The following COL8A1 variants were observed in gnomAD, a reference collection of about 807,000 sequenced individuals.
COL8A1 encodes the protein collagen alpha-1(VIII) chain.
COL8A1 carries 21 observed loss-of-function variants against 42.7 expected under a neutral mutation model. The observed-to-expected ratio is 0.49, with a 90% CI of 0.35 to 0.71. COL8A1 has a LOEUF of 0.71. COL8A1 is among the 30% of genes least tolerant of loss of function. The pLI, the probability that COL8A1 is intolerant of heterozygous loss-of-function variation, is 0.01. For synonymous variants in COL8A1, 367 were observed against 369.1 expected (o/e 0.99, Z 0.06); for missense variants, 788 against 962.4 (o/e 0.82, Z 2.40).
chr3:99,794,831 T>C lies in COL8A1; in HGVS notation c.930T>C (p.Pro310=). Residue 310 remains proline, a synonymous_variant, in exon 4 of 4, where the codon CCT becomes CCC. Coordinates refer to ENST00000652472, the MANE Select transcript of COL8A1 (RefSeq NM_020351.4). This position sits in a 1 kb window ranked among gnomAD's most constrained non-coding sequence, Gnocchi z 4.3. ...PIGVPGVQGP[P]GIPGIGKPGQ... ...GGGTACCGGGGGTTCAAGGACCTCC[T>C]GGGATACCCGGAATTGGAAAGCCAG... The C allele has an allele frequency of 6.2e-7, 1 of 1,611,932 alleles. No homozygotes were observed. Among genetic ancestry groups the C allele is most frequent in the Non-Finnish European group, 8.5e-7 (1 of 1,179,016 alleles).
rs536778498 is a variant in COL8A1, at chr3:99,685,266, T to C, written c.-129+46602T>C. 2.0e-5 allele frequency among the ~76,000 whole-genome samples: 3 copies of C among 152,306 alleles called. No homozygotes were observed. In the South Asian group the frequency reaches 6.2e-4, roughly 32 times the overall value. ...CAATGAGAAGGAATAAGAATTTACA[T>C]GCTTTTGGTATGCCCCAAATCTTAA... On this transcript the variant is annotated intron_variant, in intron 1 of 3. Transcript: ENST00000652472.
chr3:99,739,647 C>T (rs1456944675), intron 1 of COL8A1, among the ~76,000 whole-genome samples: 2 of 152,202 alleles, frequency 1.3e-5, no homozygotes, highest in Non-Finnish European at 1.5e-5. Context: ...TACCTTGGCC[C>T]CTTTCAGCCA....
chr3:99,778,578 C>T (rs1224960091), intron 2 of COL8A1, among the ~76,000 whole-genome samples: 5 of 151,764 alleles, frequency 3.3e-5, no homozygotes, highest in Admixed American at 1.3e-4. Flanking sequence ...ATTTTACCAT[C>T]GGTCAACCCT....
intron 1 of COL8A1, among the ~76,000 whole-genome samples, chr3:99,736,932 TA>T (rs1456401987): frequency 6.6e-6 from 1 of 152,230 alleles, no homozygotes; most frequent in East Asian, 1.9e-4. Context: ...TGGGTGCATA[TA>T]TATTTAGGAT....
chr3:99,751,368 G>T (rs1054789058), intron 2 of COL8A1, among the ~76,000 whole-genome samples: 7 of 152,122 alleles, frequency 4.6e-5, no homozygotes, highest in Admixed American at 4.6e-4. Context: ...GACCAGCCTG[G>T]CCAACATGGC....
At chr3:99,782,951 T>C (rs1468652461) in intron 2 of COL8A1, among the ~76,000 whole-genome samples, 1 of 152,134 alleles carries the variant, frequency 6.6e-6, no homozygotes, top group Non-Finnish European at 1.5e-5. Context: ...TTAGGGGTTT[T>C]CCCAAGTGTT....
At chr3:99,750,412 G>T (rs1427574547) in intron 2 of COL8A1, among the ~76,000 whole-genome samples, 1 of 151,936 alleles carries the variant, frequency 6.6e-6, no homozygotes, top group Non-Finnish European at 1.5e-5. Flanking sequence ...AATATTAATA[G>T]CCAACTCTGG....
At chr3:99,716,364 G>C (rs1256908567) in intron 1 of COL8A1, among the ~76,000 whole-genome samples, 2 of 151,960 alleles carry the variant, frequency 1.3e-5, no homozygotes, top group African/African-American at 4.8e-5. Context: ...AAACATCGAG[G>C]CAGTTGCACT....
intron 1 of COL8A1, among the ~76,000 whole-genome samples, chr3:99,713,331 G>A (rs1016843939): frequency 3.3e-5 from 5 of 152,000 alleles, no homozygotes; most frequent in Admixed American, 1.3e-4. Context: ...CATGCCCCAC[G>A]TGCAGTCTCT....
intron 2 of COL8A1, among the ~76,000 whole-genome samples, chr3:99,752,622 T>C (rs1941174850): frequency 6.6e-6 from 1 of 152,004 alleles, no homozygotes; most frequent in South Asian, 2.1e-4. Flanking sequence ...CCCATGGTTC[T>C]CTGCATATAT....
chr3:99,763,891 G>A (rs1941410610), intron 2 of COL8A1, among the ~76,000 whole-genome samples: 2 of 150,666 alleles, frequency 1.3e-5, no homozygotes, highest in African/African-American at 4.9e-5. Context: ...GAGATTTCTT[G>A]CTTTCACCTG....
chr3:99,771,685 T>C (rs1391217040), intron 2 of COL8A1, among the ~76,000 whole-genome samples: 1 of 152,210 alleles, frequency 6.6e-6, no homozygotes, highest in East Asian at 1.9e-4. Flanking sequence ...GCATCTCTTC[T>C]GTGTTTTGCT....
chr3:99,684,189 AAGGGCTCTCTTCTCAAAT>A (rs1467707081), intron 1 of COL8A1, among the ~76,000 whole-genome samples: 1 of 152,172 alleles, frequency 6.6e-6, no homozygotes, highest in Non-Finnish European at 1.5e-5. Flanking sequence ...AATTTACAAG[AAGGGCTCTCTTCTCAAAT>A]TTAGTCACTG....
chr3:99,688,670 T>C (rs1939133111), intron 1 of COL8A1, among the ~76,000 whole-genome samples: 2 of 152,208 alleles, frequency 1.3e-5, no homozygotes, highest in Non-Finnish European at 2.9e-5. Flanking sequence ...CACGGCTAGT[T>C]TACTGTATTA....
intron 2 of COL8A1, among the ~76,000 whole-genome samples, chr3:99,775,956 C>T (rs921695531): frequency 6.6e-6 from 1 of 152,150 alleles, no homozygotes; most frequent in Non-Finnish European, 1.5e-5. Context: ...TTCATTTATT[C>T]CTTATTTTGT....
intron 1 of COL8A1, among the ~76,000 whole-genome samples, chr3:99,645,112 T>G (rs1256102839): frequency 6.6e-6 from 1 of 152,232 alleles, no homozygotes; most frequent in Admixed American, 6.5e-5. Context: ...ATTTAGGATC[T>G]TCTTCCAACT....
At chr3:99,736,822 G>A (rs200399585) in intron 1 of COL8A1, among the ~76,000 whole-genome samples, 8,397 of 151,754 alleles carry the variant, frequency 0.055, 304 homozygotes, top group Middle Eastern at 0.079. Context: ...GTCTAATGTT[G>A]ACAGTGGGGT....
intron 1 of COL8A1, among the ~76,000 whole-genome samples, chr3:99,709,403 C>T (rs1011954386): frequency 2.0e-5 from 3 of 152,148 alleles, no homozygotes; most frequent in African/African-American, 7.2e-5. Context: ...TTTTTAATGT[C>T]TATCTTCTAC....
At position 99,790,907 on chromosome 3, in the gene COL8A1, C is replaced by T; in HGVS notation, c.225C>T (p.Pro75=). ...KDGLAMGKEM[P]HLQYGKEYPH... ...GCCTTGCCATGGGCAAGGAGATGCCCCACTTGCAGTATGGCAAAGAGTATC... is the reference window on the plus strand; with the variant it reads ...GCCTTGCCATGGGCAAGGAGATGCCTCACTTGCAGTATGGCAAAGAGTATC... The change falls in exon 3 of 4, where the codon CCC becomes CCT. Residue 75 remains proline, a synonymous_variant. Transcript: ENST00000652472. 4 of 1,614,074 alleles carry T rather than the reference C, an allele frequency of 2.5e-6. No individual in the cohort carries two copies. Among genetic ancestry groups the T allele is most frequent in the Non-Finnish European group, 2.5e-6 (3 of 1,179,882 alleles).
Sources: allele counts gnomAD v4.1 joint callset (sites outside exome capture counted in the v4.1 genomes callset), GRCh38; gene constraint gnomAD v4.1.1; non-coding constraint Gnocchi (gnomAD v3.1); transcripts MANE v1.5; gene names NCBI Gene and HGNC (gene_info 2026-07-23, HGNC 2026-07-21).